The following TRIM65 variants were observed in gnomAD, a reference collection of about 807,000 sequenced individuals.
TRIM65 encodes tripartite motif containing 65.
Under a neutral mutation model 36.1 loss-of-function variants are expected in TRIM65, and 46 were observed. The observed-to-expected ratio is 1.27, with a 90% CI of 1.01 to 1.63. TRIM65 has a LOEUF of 1.63. Among genes scored for constraint, TRIM65 ranks in the 40% most tolerant of loss-of-function variants. The pLI is 0.00. For missense variants in TRIM65, 708 were observed against 696.6 expected (o/e 1.02, Z -0.18); for synonymous variants, 346 against 313.6 (o/e 1.10, Z -1.09).
At chr17:75,879,871 G>A (rs1464914705), downstream of TRIM65, among the ~76,000 whole-genome samples, 5 of 150,514 alleles carry the variant, frequency 3.3e-5, no homozygotes, top group East Asian at 1.9e-4. Context: ...CTCCCTCCTC[G>A]GACTCTTGAG....
chr17:75,886,283 G>A (rs1367381320), downstream of TRIM65, among the ~76,000 whole-genome samples: 1 of 152,100 alleles, frequency 6.6e-6, no homozygotes, highest in Non-Finnish European at 1.5e-5. Context: ...AGCACTTTGG[G>A]AGGCCGAGGC....
At chr17:75,893,137 C>T (rs2065297987) in intron 1 of TRIM65, among the ~76,000 whole-genome samples, 1 of 152,232 alleles carries the variant, frequency 6.6e-6, no homozygotes, top group African/African-American at 2.4e-5. Flanking sequence ...CTCTTGCATG[C>T]TGAGCAAGCT....
At chr17:75,886,265 G>C (rs972410278), downstream of TRIM65, among the ~76,000 whole-genome samples, 2 of 152,122 alleles carry the variant, frequency 1.3e-5, no homozygotes, top group African/African-American at 4.8e-5. Context: ...GCTCACACCT[G>C]TAATCCCAGC....
In TRIM65 at chr17:75,891,235, G is replaced by A; in HGVS notation, c.1098C>T (p.Gly366=). 1 of 1,612,758 alleles carries A rather than the reference G, an allele frequency of 6.2e-7. No homozygotes were observed. The highest frequency in any genetic ancestry group is 8.5e-7 in the Non-Finnish European group (1 of 1,180,004). ...ATTGCACCTGCCAGAGCTCAAAGCTGCCGGGCCCGCCTGGGCCCCGGGACT... is the reference window on the plus strand; with the variant it reads ...ATTGCACCTGCCAGAGCTCAAAGCTACCGGGCCCGCCTGGGCCCCGGGACT... ...CRQSRGPGGP[G]SFELWQVQCA... Residue 366 remains glycine, a synonymous_variant, in exon 6 of 6, where the codon GGC becomes GGT. Coordinates refer to ENST00000269383, the MANE Select transcript of TRIM65 (RefSeq NM_173547.4).
chr17:75,886,521 CAA>C (rs537579897), downstream of TRIM65, among the ~76,000 whole-genome samples: 3,296 of 77,062 alleles, frequency 0.043, 135 homozygotes, highest in African/African-American at 0.13. Flanking sequence ...GACTCCGTTT[CAA>C]AAAAAAAAAA....
In TRIM65 at chr17:75,891,820, G is replaced by A. The variant is rs1449843701; in HGVS notation, c.978C>T (p.Leu326=). ...PSTVCPLRRK[L]WQNYRNLTFD... is the part of the protein sequence containing the mutation. ...CACGAACGGCCTCCTTACTCTGCCA[G>A]AGTTTCCTCCTCAGTGGACAAACTG... Residue 326 remains leucine (L), a synonymous_variant, in exon 5 of 6, where the codon CTC becomes CTT. Transcript: ENST00000269383. 4 of 1,611,142 alleles carry A rather than the reference G, an allele frequency of 2.5e-6. No homozygotes were observed. Among genetic ancestry groups the A allele is most frequent in the Non-Finnish European group, 3.4e-6 (4 of 1,178,688 alleles).
At chr17:75,885,548 T>G (rs1474535825), downstream of TRIM65, among the ~76,000 whole-genome samples, 1 of 152,244 alleles carries the variant, frequency 6.6e-6, no homozygotes, top group Non-Finnish European at 1.5e-5. Context: ...CCCAGCCAGC[T>G]TGTTTGTGCT....
At chr17:75,884,843 C>T (rs1365615742), downstream of TRIM65, among the ~76,000 whole-genome samples, 1 of 151,980 alleles carries the variant, frequency 6.6e-6, no homozygotes, top group African/African-American at 2.4e-5. Context: ...CAGGACCACG[C>T]TGGTCCTGAA....
chr17:75,886,672 G>A (rs567211322), downstream of TRIM65, among the ~76,000 whole-genome samples: 1 of 152,106 alleles, frequency 6.6e-6, no homozygotes, highest in Non-Finnish European at 1.5e-5. Context: ...TGAGGTCCCT[G>A]TCTTTCACAA....
downstream of TRIM65, among the ~76,000 whole-genome samples, chr17:75,879,719 G>C (rs75257286): frequency 6.6e-6 from 1 of 150,808 alleles, no homozygotes; most frequent in Non-Finnish European, 1.5e-5. Flanking sequence ...GGGGAGAACA[G>C]ACATATTTCG....
downstream of TRIM65, among the ~76,000 whole-genome samples, chr17:75,885,393 C>A (rs1432714445): frequency 6.6e-6 from 1 of 152,220 alleles, no homozygotes; most frequent in African/African-American, 2.4e-5. Flanking sequence ...CCTCCCAGTT[C>A]AGCCTCCCAA....
chr17:75,892,726 T>A (rs751928396), intron 2 of TRIM65, 29 bp downstream of exon 2: 6 of 1,589,174 alleles, frequency 3.8e-6, no homozygotes, highest in Non-Finnish European at 5.1e-6. Context: ...TGTGAGGCCA[T>A]GGTGGGCGGG....
chr17:75,881,090 A>C (rs2065165934), intron 4 of TRIM65, among the ~76,000 whole-genome samples: 2 of 150,006 alleles, frequency 1.3e-5, no homozygotes. Context: ...TACTAAAAAT[A>C]CAAAAAAATT....
chr17:75,891,163 C>T lies in TRIM65; in HGVS notation c.1170G>A (p.Ala390=), dbSNP rs750578986. 1.7e-5 allele frequency: 28 copies of T among 1,609,164 alleles called. No homozygotes were observed. The highest frequency in any genetic ancestry group is 1.3e-4 in the East Asian group (6 of 44,876). ...CGCCCAGTGTCACCGAGTGGTCTGACGCGCGCACCTCCCAGTAGTGGTGCC... is the reference window on the plus strand; with the variant it reads ...CGCCCAGTGTCACCGAGTGGTCTGATGCGCGCACCTCCCAGTAGTGGTGCC... The part of the protein sequence containing the change: ...QAGHHYWEVR[A]SDHSVTLGVS... Residue 390 remains alanine, a synonymous_variant, in exon 6 of 6, where the codon GCG becomes GCA. Coordinates refer to ENST00000269383, the MANE Select transcript of TRIM65 (RefSeq NM_173547.4).
At chr17:75,880,005 C>T (rs1380168561), downstream of TRIM65, among the ~76,000 whole-genome samples, 1 of 150,804 alleles carries the variant, frequency 6.6e-6, no homozygotes, top group East Asian at 1.9e-4. Flanking sequence ...CCACCCGCCT[C>T]GGCCTCCCAA....
In TRIM65 at chr17:75,881,497, C is replaced by T. The variant is rs1382992500; in HGVS notation, c.350-868G>A. ...TGCTTCCTGGGTTGTAGATGGCTGC[C>T]TTCCCACTGTGTCCTCACATGGCCA... On this transcript the variant is annotated intron_variant, in intron 4 of 4. Coordinates refer to the TRIM65 transcript ENST00000591668. Among the ~76,000 whole-genome samples the T allele has an allele frequency of 2.7e-5, 4 of 150,536 alleles. 1 individual carries two copies. The highest frequency in any genetic ancestry group is 1.0e-4 in the African/African-American group (4 of 39,910).
At chr17:75,893,630 AGAG>A (rs1024234713) in intron 1 of TRIM65, among the ~76,000 whole-genome samples, 10 of 152,148 alleles carry the variant, frequency 6.6e-5, no homozygotes, top group Non-Finnish European at 1.5e-4. Context: ...CCCACATCAC[AGAG>A]GAGGAAACGG....
At chr17:75,887,258 G>A (rs184622830), downstream of TRIM65, among the ~76,000 whole-genome samples, 37 of 151,568 alleles carry the variant, frequency 2.4e-4, no homozygotes, top group African/African-American at 8.5e-4. Context: ...GCTGAGGCAG[G>A]CAGATGACAT....
chr17:75,884,193 C>G (rs143795966), downstream of TRIM65, among the ~76,000 whole-genome samples: 1 of 151,986 alleles, frequency 6.6e-6, no homozygotes, highest in Non-Finnish European at 1.5e-5. Flanking sequence ...CGCGGTGGCT[C>G]GCGCCTGTAA....
Sources: allele counts gnomAD v4.1 joint callset (sites outside exome capture counted in the v4.1 genomes callset), GRCh38; gene constraint gnomAD v4.1.1; transcripts MANE v1.5; gene names NCBI Gene and HGNC (gene_info 2026-07-23, HGNC 2026-07-21).